Variants in IL1RAPL1 observed in about 807,000 individuals in gnomAD.
IL1RAPL1 encodes interleukin-1 receptor accessory protein-like 1.
Under a neutral mutation model 48.4 loss-of-function variants are expected in IL1RAPL1, and 3 were observed. The ratio of observed to expected loss-of-function variants is 0.06; its 90% CI spans 0.03 to 0.16. IL1RAPL1 has a LOEUF of 0.16. Ranked by LOEUF, IL1RAPL1 falls within the 10% of genes least tolerant of loss-of-function variation. The pLI, the probability that IL1RAPL1 is intolerant of heterozygous loss-of-function variation, is 1.00. For synonymous variants in IL1RAPL1, 185 were observed against 187.7 expected (o/e 0.99, Z 0.12); for missense variants, 349 against 530.6 (o/e 0.66, Z 3.36).
intron 9 of IL1RAPL1, among the ~76,000 whole-genome samples, chrX:29,943,976 C>G (rs1441338717): frequency 1.8e-5 from 2 of 111,696 alleles, no homozygotes; most frequent in Admixed American, 1.9e-4. Context: ...AAACAGTATT[C>G]TAACAGATGA....
chrX:28,741,452 A>G (rs1252648188), intron 1 of IL1RAPL1, among the ~76,000 whole-genome samples: 1 of 111,968 alleles, frequency 8.9e-6, no homozygotes, highest in African/African-American at 3.2e-5. Context: ...GACCTTTGTC[A>G]GATGGATAGT....
At chrX:29,885,085 C>T in intron 6 of IL1RAPL1, among the ~76,000 whole-genome samples, 1 of 111,477 alleles carries the variant, frequency 9.0e-6, no homozygotes, top group African/African-American at 3.3e-5. Context: ...TCTTATGCCA[C>T]AACAGCCCCA....
At position 29,228,178 on chromosome X, in the gene IL1RAPL1, GCACACACACACACACA is replaced by G. The variant is rs35435025; in HGVS notation, c.83-54729_83-54714del. ...TATAACCATCTCCGGACACACGCGT[GCACACACACACACACA>G]CACACACACACACACACACACACAC... On this transcript the variant is annotated intron_variant, in intron 2 of 10. Coordinates refer to ENST00000378993, the MANE Select transcript of IL1RAPL1 (RefSeq NM_014271.4). Among the ~76,000 whole-genome samples the G allele has an allele frequency of 2.2e-3, 182 of 84,368 alleles. 2 individuals are homozygous for G. The highest frequency in any genetic ancestry group is 6.5e-3 in the Middle Eastern group (1 of 154). The allele number at this position is 84,368 out of a possible 115,157, so 73.3% of individuals were successfully genotyped here.
rs184367414 is a variant in IL1RAPL1, at chrX:28,769,849, T to A, written c.-24-19471T>A. ...CTTTGAGGAATATTACCAGATTATATAATTTTAAACATTCCAAGAAGGAAT... is the reference window on the plus strand; with the variant it reads ...CTTTGAGGAATATTACCAGATTATAAAATTTTAAACATTCCAAGAAGGAAT... On this transcript the variant is annotated intron_variant, in intron 1 of 10. Transcript: ENST00000378993. Among the ~76,000 whole-genome samples the A allele has an allele frequency of 4.0e-3, 451 of 111,956 alleles. 3 individuals carry two copies. Among genetic ancestry groups the A allele is most frequent in the Non-Finnish European group, 4.9e-3 (262 of 53,209 alleles).
intron 5 of IL1RAPL1, among the ~76,000 whole-genome samples, chrX:29,606,125 T>C (rs1428015987): frequency 8.9e-6 from 1 of 112,025 alleles, no homozygotes; most frequent in Non-Finnish European, 1.9e-5. Context: ...CCAATTTATC[T>C]TCTTTGGATG....
At chrX:29,509,678 C>T (rs1053847555) in intron 5 of IL1RAPL1, among the ~76,000 whole-genome samples, 4 of 107,037 alleles carry the variant, frequency 3.7e-5, no homozygotes, top group Non-Finnish European at 5.7e-5. Flanking sequence ...CACACGCATG[C>T]GCCCACACGC....
At chrX:28,666,765 T>G (rs1934884032) in intron 1 of IL1RAPL1, among the ~76,000 whole-genome samples, 1 of 112,105 alleles carries the variant, frequency 8.9e-6, no homozygotes, top group Non-Finnish European at 1.9e-5. Flanking sequence ...GATTTATTTT[T>G]GCTGTCACCT....
chrX:29,475,454 A>C (rs1430438989), intron 5 of IL1RAPL1, among the ~76,000 whole-genome samples: 1 of 112,051 alleles, frequency 8.9e-6, no homozygotes, highest in African/African-American at 3.2e-5. Flanking sequence ...CTTTATTGTG[A>C]ATGCAATTAG....
At chrX:29,601,503 GT>G (rs1923718310) in intron 5 of IL1RAPL1, among the ~76,000 whole-genome samples, 1 of 112,060 alleles carries the variant, frequency 8.9e-6, no homozygotes, top group Non-Finnish European at 1.9e-5. Context: ...TTTCTGCCAT[GT>G]TGAGAATTCT....
At chrX:29,000,175 C>T (rs991335348) in intron 2 of IL1RAPL1, among the ~76,000 whole-genome samples, 1 of 111,290 alleles carries the variant, frequency 9.0e-6, no homozygotes, top group Non-Finnish European at 1.9e-5. Flanking sequence ...AAATTAATCT[C>T]CATCCTCCGC....
intron 2 of IL1RAPL1, among the ~76,000 whole-genome samples, chrX:28,875,992 TTGCCA>T (rs1922362192): frequency 8.9e-6 from 1 of 111,826 alleles, no homozygotes; most frequent in Admixed American, 9.5e-5. Context: ...TCTTCTTCTC[TTGCCA>T]TGTAATGTCT....
intron 5 of IL1RAPL1, among the ~76,000 whole-genome samples, chrX:29,663,820 G>T (rs1925916675): frequency 9.0e-6 from 1 of 111,657 alleles, no homozygotes; most frequent in African/African-American, 3.3e-5. Flanking sequence ...TTTCTTGTCA[G>T]GCTATATAGG....
chrX:28,595,344 A>C (rs1193150291), intron 1 of IL1RAPL1, among the ~76,000 whole-genome samples: 1 of 112,556 alleles, frequency 8.9e-6, no homozygotes, highest in African/African-American at 3.2e-5. Context: ...TTGACAAATG[A>C]ATCATCGTTA....
intron 2 of IL1RAPL1, among the ~76,000 whole-genome samples, chrX:28,816,401 C>T (rs1443363169): frequency 9.1e-6 from 1 of 110,098 alleles, no homozygotes; most frequent in Non-Finnish European, 1.9e-5. Flanking sequence ...TCCTTCCTCC[C>T]TCCTTCCTCG....
chrX:29,631,208 TA>T lies in IL1RAPL1; in HGVS notation c.704-37221del, dbSNP rs773503063. On this transcript the variant is annotated intron_variant, in intron 5 of 10. Coordinates refer to ENST00000378993, the MANE Select transcript of IL1RAPL1 (RefSeq NM_014271.4). ...ATTTTATTTATTTATTATTTGTATT[TA>T]TTTTTTTTCCAGCTCTTGGTTGTGC... Among the ~76,000 whole-genome samples, 8 of 111,942 alleles carry T rather than the reference TA, an allele frequency of 7.1e-5. No homozygotes were observed. The South Asian group carries it at 2.6e-3, about 36-fold the overall frequency.
intron 2 of IL1RAPL1, among the ~76,000 whole-genome samples, chrX:28,883,705 G>A (rs1339766102): frequency 8.9e-6 from 1 of 111,882 alleles, no homozygotes; most frequent in Non-Finnish European, 1.9e-5. Flanking sequence ...TAATGACTTT[G>A]TGTATTTTAG....
At chrX:29,250,091 A>G (rs1021942500) in intron 2 of IL1RAPL1, among the ~76,000 whole-genome samples, 1 of 111,809 alleles carries the variant, frequency 8.9e-6, no homozygotes, top group Admixed American at 9.5e-5. Flanking sequence ...TTAGACCTGT[A>G]GACTCTAGTT....
intron 1 of IL1RAPL1, among the ~76,000 whole-genome samples, chrX:28,642,216 G>T (rs1347792414): frequency 9.0e-6 from 1 of 110,989 alleles, no homozygotes; most frequent in Non-Finnish European, 1.9e-5. Context: ...AGTAGTGGGA[G>T]ACTTTAACAC....
chrX:29,362,496 T>C (rs1056577215), intron 3 of IL1RAPL1, among the ~76,000 whole-genome samples: 2 of 112,011 alleles, frequency 1.8e-5, no homozygotes, highest in East Asian at 2.8e-4. Flanking sequence ...TCATTGGCCT[T>C]CTTCTTTGCT....
Sources: allele counts gnomAD v4.1 joint callset (sites outside exome capture counted in the v4.1 genomes callset), GRCh38; gene constraint gnomAD v4.1.1; transcripts MANE v1.5; gene names NCBI Gene and HGNC (gene_info 2026-07-23, HGNC 2026-07-21).